Variants in FAM227B observed in about 807,000 individuals in gnomAD.
FAM227B encodes the protein family with sequence similarity 227 member B.
FAM227B carries 88 observed loss-of-function variants against 73.8 expected under a neutral mutation model. The ratio of observed to expected loss-of-function variants is 1.19; its 90% confidence interval spans 1.00 to 1.42. FAM227B has a LOEUF of 1.42. Among genes scored for constraint, FAM227B ranks in the 40% most tolerant of loss-of-function variants. The probability of loss-of-function intolerance (pLI) is 0.00; values close to 1 mark genes in which losing one functional copy is unlikely to be tolerated. For missense variants in FAM227B, 632 were observed against 590.9 expected (o/e 1.07, Z -0.72); for synonymous variants, 210 against 190.5 (o/e 1.10, Z -0.84).
chr15:49,470,026 A>G (rs1011759116), intron 11 of FAM227B, among the ~76,000 whole-genome samples: 28 of 152,166 alleles, frequency 1.8e-4, no homozygotes, highest in African/African-American at 6.8e-4. Flanking sequence ...ATGCTTTAAC[A>G]TATTTCTTAA....
chr15:49,547,957 G>A (rs2072193660), intron 9 of FAM227B, among the ~76,000 whole-genome samples: 2 of 152,172 alleles, frequency 1.3e-5, no homozygotes, highest in South Asian at 4.1e-4. Flanking sequence ...CATAAATTAT[G>A]CCCTAGAACA....
rs141771242 is a variant in FAM227B, at chr15:49,513,116, A to G, written c.875-4768T>C. 3.8e-3 allele frequency among the ~76,000 whole-genome samples: 584 copies of G among 152,328 alleles called. 1 individual carries two copies. Among genetic ancestry groups the G allele is most frequent in the Non-Finnish European group, 6.3e-3 (428 of 68,044 alleles). On this transcript the variant is annotated intron_variant, in intron 10 of 15. Coordinates refer to ENST00000299338, the MANE Select transcript of FAM227B (RefSeq NM_152647.3). ...ATGATTTATATTCCTTTGGGTATAT[A>G]TCTAGCAATGGAATTGCTGGATCAA...
intron 11 of FAM227B, among the ~76,000 whole-genome samples, chr15:49,443,433 A>T (rs2051868469): frequency 6.6e-6 from 1 of 151,522 alleles, no homozygotes; most frequent in Admixed American, 6.6e-5. Flanking sequence ...CCTACACCAC[A>T]TAAATTGGCC....
At chr15:49,564,722 G>C (rs2074510173) in intron 9 of FAM227B, among the ~76,000 whole-genome samples, 1 of 151,848 alleles carries the variant, frequency 6.6e-6, no homozygotes. Flanking sequence ...ATTAATCTAA[G>C]CTAATTAACA....
intron 5 of FAM227B, among the ~76,000 whole-genome samples, chr15:49,578,844 A>T (rs1205660118): frequency 6.6e-6 from 1 of 152,206 alleles, no homozygotes; most frequent in Admixed American, 6.5e-5. Context: ...CAGCAAAGGA[A>T]ACAATTAACA....
At chr15:49,406,501 TG>T (rs1227904306) in intron 11 of FAM227B, among the ~76,000 whole-genome samples, 2 of 133,612 alleles carry the variant, frequency 1.5e-5, no homozygotes, top group Non-Finnish European at 3.2e-5. Flanking sequence ...TCACTCAGGG[TG>T]GGGGAGGGTC....
At chr15:49,466,803 T>A (rs917734877) in intron 11 of FAM227B, among the ~76,000 whole-genome samples, 1 of 152,208 alleles carries the variant, frequency 6.6e-6, no homozygotes, top group Non-Finnish European at 1.5e-5. Flanking sequence ...TTAAATTTTT[T>A]AATTATCTTT....
At chr15:49,571,147 T>C (rs1380963703) in intron 8 of FAM227B, among the ~76,000 whole-genome samples, 1 of 151,756 alleles carries the variant, frequency 6.6e-6, no homozygotes, top group Non-Finnish European at 1.5e-5. Context: ...TTGTGGAAAC[T>C]TCATACTATT....
chr15:49,382,156 A>T (rs2046578824), intron 11 of FAM227B, among the ~76,000 whole-genome samples: 1 of 152,098 alleles, frequency 6.6e-6, no homozygotes, highest in South Asian at 2.1e-4. Context: ...AGTGCAAATT[A>T]AAAATTTTAG....
Position 49,541,824 on chromosome 15 carries a change from AATTAG to A in FAM227B, c.748-23_748-19del, listed in dbSNP as rs1160727126. ...GGATATATCTACCAAAATAAAATCA[AATTAG>A]ATTAATTTTATATTTTTAAATTTTA... On this transcript the variant is annotated intron_variant, in intron 9 of 15. Coordinates refer to ENST00000299338, the MANE Select transcript of FAM227B (RefSeq NM_152647.3). 8 of 1,349,294 alleles carry A rather than the reference AATTAG, an allele frequency of 5.9e-6. No individual in the cohort carries two copies. The highest frequency in any genetic ancestry group is 9.6e-7 in the Non-Finnish European group (1 of 1,037,006). 83.6% of individuals were successfully genotyped at this position (1,349,294 alleles called of 1,614,324 possible).
Position 49,380,782 on chromosome 15 carries a change from GGATTT to G in FAM227B, c.1013-9388_1013-9384del, listed in dbSNP as rs1460100159. On this transcript the variant is annotated intron_variant, in intron 11 of 15. Coordinates refer to ENST00000299338, the MANE Select transcript of FAM227B (RefSeq NM_152647.3). The stretch of plus-strand genomic sequence containing the variant: ...TTGAGCTACTTAACTCCTCTGAATT[GGATTT>G]GATTTGATTTAATTGGCCCCTTGTG... Among the ~76,000 whole-genome samples, 14 of 151,670 alleles carry G rather than the reference GGATTT, an allele frequency of 9.2e-5. No homozygotes were observed. The East Asian group carries it at 9.7e-4, about 11-fold the overall frequency.
chr15:49,566,011 G>T (rs2074628605), intron 9 of FAM227B, among the ~76,000 whole-genome samples: 1 of 152,154 alleles, frequency 6.6e-6, no homozygotes, highest in Non-Finnish European at 1.5e-5. Flanking sequence ...CTTGATTTTA[G>T]CCCTGTAAGA....
At chr15:49,388,823 A>C (rs553717187) in intron 11 of FAM227B, among the ~76,000 whole-genome samples, 5 of 152,094 alleles carry the variant, frequency 3.3e-5, no homozygotes, top group Non-Finnish European at 7.4e-5. Context: ...AAAAGTGGGC[A>C]AAGGACATGA....
intron 12 of FAM227B, among the ~76,000 whole-genome samples, chr15:49,370,369 G>A (rs1240313483): frequency 1.3e-5 from 2 of 152,198 alleles, no homozygotes; most frequent in African/African-American, 4.8e-5. Flanking sequence ...CTGAAGACCA[G>A]ATATACAATT....
chr15:49,566,708 T>G (rs905058105), intron 9 of FAM227B, among the ~76,000 whole-genome samples: 1 of 152,174 alleles, frequency 6.6e-6, no homozygotes, highest in African/African-American at 2.4e-5. Context: ...CACACATAAA[T>G]GCATGGACAG....
chr15:49,531,984 A>T (rs2060643176), intron 10 of FAM227B, among the ~76,000 whole-genome samples: 1 of 151,032 alleles, frequency 6.6e-6, no homozygotes, highest in African/African-American at 2.4e-5. Flanking sequence ...TTGGTGGGTT[A>T]CTATATAGCT....
chr15:49,440,206 T>A (rs957325525), intron 11 of FAM227B, among the ~76,000 whole-genome samples: 5 of 151,836 alleles, frequency 3.3e-5, no homozygotes, highest in Non-Finnish European at 7.4e-5. Flanking sequence ...GTAAACAATA[T>A]GCATTATTAC....
At chr15:49,344,839 A>G (rs2041238709) in intron 13 of FAM227B, among the ~76,000 whole-genome samples, 1 of 152,206 alleles carries the variant, frequency 6.6e-6, no homozygotes, top group Non-Finnish European at 1.5e-5. Context: ...GTTACTTTTA[A>G]TGCCCGTCTT....
chr15:49,420,736 C>T (rs188225755), intron 11 of FAM227B, among the ~76,000 whole-genome samples: 5 of 152,216 alleles, frequency 3.3e-5, no homozygotes, highest in East Asian at 3.9e-4. Context: ...GATGGAGTCT[C>T]GCTTTGTCAC....
Sources: gnomAD v4.1 joint callset for allele counts (sites outside exome capture counted in the v4.1 genomes callset) on GRCh38, gnomAD v4.1.1 for gene constraint, MANE v1.5 for transcripts, NCBI Gene and HGNC (gene_info 2026-07-23, HGNC 2026-07-21) for gene names.